HERC2: variants seen among roughly 807,000 people sequenced by gnomAD.
HERC2 encodes the protein HECT and RLD domain containing E3 ubiquitin protein ligase 2.
Under a neutral mutation model 537.7 loss-of-function variants are expected in HERC2, and 102 were observed. The ratio of observed to expected loss-of-function variants is 0.19; its 90% CI spans 0.16 to 0.22. The LOEUF is 0.22. HERC2 is among the 10% of genes least tolerant of loss of function. The pLI, the probability that HERC2 is intolerant of heterozygous loss-of-function variation, is 1.00. For missense variants in HERC2, 4,236 were observed against 6,198.2 expected (o/e 0.68, Z 10.63); for synonymous variants, 2,224 against 2,466.2 (o/e 0.90, Z 2.91).
At chr15:28,296,983 C>A (rs937827414) in intron 3 of HERC2, among the ~76,000 whole-genome samples, 1 of 152,180 alleles carries the variant, frequency 6.6e-6, no homozygotes, top group Non-Finnish European at 1.5e-5. Context: ...CTCAGTATTA[C>A]AGGTGTTTGT....
intron 21 of HERC2, 144 bp downstream of exon 21, chr15:28,248,408 G>A (rs1903931866): frequency 1.7e-6 from 1 of 581,788 alleles, no homozygotes; most frequent in Non-Finnish European, 3.0e-6. Flanking sequence ...ACTCAAAAAA[G>A]TGGATGCAAA....
chr15:28,128,761 G>C lies in HERC2; in HGVS notation c.12802+1402C>G, dbSNP rs560229049. Among the ~76,000 whole-genome samples the C allele has an allele frequency of 2.0e-5, 3 of 152,288 alleles. No homozygotes were observed. The East Asian group carries it at 5.8e-4, about 29-fold the overall frequency. ...TCTGCAGGTGAGAAGCCCCGCATGG[G>C]TCTGTCTCCCTTCCCAGAGGCCCCA... On this transcript the variant is annotated intron_variant, in intron 83 of 92. Coordinates refer to ENST00000261609, the MANE Select transcript of HERC2 (RefSeq NM_004667.6).
rs200294738 is a variant in HERC2, at chr15:28,265,702, G to A, written c.1786C>T (p.Leu596=). 4 of 1,614,068 alleles carry A rather than the reference G, an allele frequency of 2.5e-6. No individual in the cohort carries two copies. Among genetic ancestry groups the A allele is most frequent in the Non-Finnish European group, 3.4e-6 (4 of 1,180,038 alleles). ...TTCAGTCCTTTAAGCCCGGCTACCA[G>A]CATCGGAATGGCCTCGTCCTCACTG... is the stretch of plus-strand genomic sequence containing the variant. The part of the protein sequence containing the change: ...GSSEDEAIPM[L]VAGLKGLKVI... The change falls in exon 14 of 93, where the codon CTG becomes TTG. Residue 596 remains leucine (L), a synonymous_variant. Transcript: ENST00000261609. This position sits in a 1 kb window ranked among gnomAD's most constrained non-coding sequence, Gnocchi z 4.0.
intron 50 of HERC2, among the ~76,000 whole-genome samples, chr15:28,197,807 T>C (rs750375919): frequency 2.6e-5 from 4 of 152,186 alleles, no homozygotes; most frequent in Non-Finnish European, 5.9e-5. Flanking sequence ...TTTCACAGAA[T>C]AACTGACAGG....
chr15:28,305,981 C>T (rs11507965), intron 2 of HERC2, among the ~76,000 whole-genome samples: 2 of 152,076 alleles, frequency 1.3e-5, no homozygotes, highest in African/African-American at 4.8e-5. Flanking sequence ...CTATGAGATA[C>T]CATCTCACAC....
chr15:28,266,055 T>C (rs2075559011), intron 12 of HERC2, 81 bp from the exon 13 acceptor site: 1 of 1,486,468 alleles, frequency 6.7e-7, no homozygotes, highest in Non-Finnish European at 9.2e-7. Context: ...AAATTCACTA[T>C]CCAAATTTAG....
chr15:28,116,795 C>A lies in HERC2; in HGVS notation c.13479G>T (p.Leu4493=). The part of the protein sequence containing the change: ...SESIAEICEE[L]QNGLTPLLIV... ...TCAGCAGGGGCGTGAGTCCGTTCTG[C>A]AGCTCCTCACAGATCTCAGCTATGG... The change falls in exon 88 of 93, where the codon CTG becomes CTT. Residue 4493 remains leucine, a synonymous_variant. Transcript: ENST00000261609. 2 of 1,613,962 alleles carry A rather than the reference C, an allele frequency of 1.2e-6. No individual in the cohort carries two copies. Among genetic ancestry groups the A allele is most frequent in the Non-Finnish European group, 1.7e-6 (2 of 1,180,026 alleles).
chr15:28,132,360 C>T (rs1890196341), intron 80 of HERC2, 99 bp from the exon 81 acceptor site: 1 of 1,148,478 alleles, frequency 8.7e-7, no homozygotes, highest in African/African-American at 1.6e-5. Context: ...ATGGGGGTAC[C>T]TGTTTTAAGC....
At chr15:28,246,140 T>A in intron 22 of HERC2, 74 bp from the exon 23 acceptor site, 1 of 905,970 alleles carries the variant, frequency 1.1e-6, no homozygotes, top group South Asian at 1.8e-5. Flanking sequence ...GTTCTGTGTT[T>A]AAATTCTGCT....
chr15:28,289,863 T>C (rs1231155010), intron 4 of HERC2, among the ~76,000 whole-genome samples: 3 of 152,036 alleles, frequency 2.0e-5, no homozygotes, highest in Non-Finnish European at 4.4e-5. Context: ...CACGCCGCAG[T>C]GAAAGGACGA....
Position 28,317,635 on chromosome 15 carries a change from T to G in HERC2, c.72+3727A>C, listed in dbSNP as rs150351679. Among the ~76,000 whole-genome samples, 820 of 152,264 alleles carry G rather than the reference T, an allele frequency of 5.4e-3. 5 individuals are homozygous for G. Among genetic ancestry groups the G allele is most frequent in the African/African-American group, 0.019 (792 of 41,542 alleles). Reference sequence around the variant, plus strand: ...GAGATGGAGAACAGATTAGTGGTTGTCAGGAGTTAGAGATGGTGGCAGAAG... The same window carrying G: ...GAGATGGAGAACAGATTAGTGGTTGGCAGGAGTTAGAGATGGTGGCAGAAG... On this transcript the variant is annotated intron_variant, in intron 2 of 92. Coordinates refer to ENST00000261609, the MANE Select transcript of HERC2 (RefSeq NM_004667.6).
chr15:28,299,178 A>G (rs944557818), intron 3 of HERC2, among the ~76,000 whole-genome samples: 7 of 152,232 alleles, frequency 4.6e-5, no homozygotes, highest in East Asian at 1.9e-4. Context: ...CCACAAATGC[A>G]GCAAGATGGT....
intron 20 of HERC2, among the ~76,000 whole-genome samples, chr15:28,252,153 G>T (rs908218742): frequency 1.3e-5 from 2 of 152,162 alleles, no homozygotes; most frequent in African/African-American, 2.4e-5. Context: ...AAAATATTCA[G>T]TGTCTCAGCT....
chr15:28,169,549 A>G lies in HERC2; in HGVS notation c.10164T>C (p.Asp3388=). The part of the protein sequence containing the change: ...PSLAKILLSL[D]GNLAKQQALS... ...AGGCCTGCTGTTTGGCCAGATTTCC[A>G]TCCAATGACAAGAGAATCTTGGCAA... The change falls in exon 66 of 93, where the codon GAT becomes GAC. Residue 3388 remains aspartate, a synonymous_variant. Coordinates refer to ENST00000261609, the MANE Select transcript of HERC2 (RefSeq NM_004667.6). The G allele has an allele frequency of 6.2e-7, 1 of 1,613,020 alleles. No individual in the cohort carries two copies. The highest frequency in any genetic ancestry group is 8.5e-7 in the Non-Finnish European group (1 of 1,179,114).
chr15:28,117,873 G>C (rs372618851), intron 86 of HERC2: 2 of 308,070 alleles, frequency 6.5e-6, no homozygotes, highest in South Asian at 5.7e-5. Flanking sequence ...GCACATCGGA[G>C]GGCAGGTGGC....
chr15:28,262,387 G>A (rs1162169293), intron 15 of HERC2, among the ~76,000 whole-genome samples: 3 of 152,104 alleles, frequency 2.0e-5, no homozygotes, highest in African/African-American at 7.2e-5. Context: ...TGAAGGCGCC[G>A]GCACTCTTAT....
At chr15:28,256,038 C>T in intron 18 of HERC2, 42 bp from the exon 19 acceptor site, 1 of 1,604,828 alleles carries the variant, frequency 6.2e-7, no homozygotes, top group Non-Finnish European at 8.5e-7. Context: ...AAACGCCATT[C>T]CCTCCCAACA....
At chr15:28,318,279 CGAGAGCA>C (rs2077143012) in intron 2 of HERC2, among the ~76,000 whole-genome samples, 1 of 152,058 alleles carries the variant, frequency 6.6e-6, no homozygotes, top group South Asian at 2.1e-4. Flanking sequence ...TTACTCTTTA[CGAGAGCA>C]GTGAAGGAAA....
At chr15:28,320,473 A>C (rs1226791493) in intron 2 of HERC2, 9 of 152,142 alleles carry the variant, frequency 5.9e-5, no homozygotes, top group Admixed American at 4.6e-4. Context: ...ACCTGTTTAA[A>C]AAGAAAAAAA....
Sources: allele counts gnomAD v4.1 joint callset (sites outside exome capture counted in the v4.1 genomes callset), GRCh38; gene constraint gnomAD v4.1.1; non-coding constraint Gnocchi (gnomAD v3.1); transcripts MANE v1.5; gene names NCBI Gene and HGNC (gene_info 2026-07-23, HGNC 2026-07-21).